The following ODF1 variants were observed in gnomAD, a reference collection of about 807,000 sequenced individuals.
ODF1 encodes the protein outer dense fiber of sperm tails 1.
A neutral mutation model predicts 24.0 loss-of-function variants in ODF1; 10 were observed. That is an observed-to-expected ratio of 0.42 (90% CI 0.26 to 0.71). ODF1 has a LOEUF of 0.71. Among genes scored for constraint, ODF1 ranks in the 30% least tolerant of loss-of-function variants. The pLI, the probability that ODF1 is intolerant of heterozygous loss-of-function variation, is 0.28. For missense variants in ODF1, 282 were observed against 307.9 expected, an observed-to-expected ratio of 0.92 and a Z score of 0.63; for synonymous variants, 118 against 121.3, an observed-to-expected ratio of 0.97 and a Z score of 0.18.
chr8:102,551,651 G>A lies in ODF1; in HGVS notation c.-77G>A. The A allele has an allele frequency of 8.0e-7, 1 of 1,243,132 alleles. No individual in the cohort carries two copies. Among genetic ancestry groups the A allele is most frequent in the Non-Finnish European group, 1.1e-6 (1 of 890,300 alleles). 77.0% of individuals were successfully genotyped at this position (1,243,132 alleles called of 1,614,324 possible). On this transcript the variant is annotated 5_prime_UTR_variant, in exon 1 of 2. The change abolishes the stop of an existing upstream ORF in the 5' untranslated region. Coordinates refer to ENST00000285402, the MANE Select transcript of ODF1 (RefSeq NM_024410.4). ...TCATTTATTTTTAAAAGCAACTTCT[G>A]AGAAGGGCTTAGAACAAATTTTTTC...
At chr8:102,558,067 G>A (rs550929772) in intron 1 of ODF1, among the ~76,000 whole-genome samples, 2 of 152,152 alleles carry the variant, frequency 1.3e-5, no homozygotes, top group Non-Finnish European at 2.9e-5. Flanking sequence ...CCTACTTCTT[G>A]TTAGTGTGGC....
chr8:102,559,590 G>A (rs1344176917), intron 1 of ODF1, among the ~76,000 whole-genome samples: 1 of 151,640 alleles, frequency 6.6e-6, no homozygotes, highest in Non-Finnish European at 1.5e-5. Flanking sequence ...ACCACTGAGA[G>A]GTTGTTCTGT....
intron 1 of ODF1, among the ~76,000 whole-genome samples, chr8:102,558,434 A>G (rs747540011): frequency 1.3e-5 from 2 of 152,182 alleles, no homozygotes; most frequent in African/African-American, 2.4e-5. Flanking sequence ...AGCCTGGGCA[A>G]CAGAGCGAGA....
At chr8:102,552,565 C>T (rs745678590) in intron 1 of ODF1, among the ~76,000 whole-genome samples, 1 of 152,078 alleles carries the variant, frequency 6.6e-6, no homozygotes, top group African/African-American at 2.4e-5. Context: ...CCACTCCAGG[C>T]AAAGACTTAC....
chr8:102,560,931 C>T lies in ODF1; in HGVS notation c.*47C>T. On this transcript the variant is annotated 3_prime_UTR_variant, in exon 2 of 2. Transcript: ENST00000285402. ...CTTAATAGAAGTCAGTTACTCCAGC[C>T]AGGCAGCTCTCCCAATGTTTCTCCT... 3.9e-6 allele frequency: 6 copies of T among 1,520,640 alleles called. No homozygotes were observed. Among genetic ancestry groups the T allele is most frequent in the Non-Finnish European group, 5.3e-6 (6 of 1,122,882 alleles). The allele number at this position is 1,520,640 out of a possible 1,614,324, so 94.2% of individuals were successfully genotyped here.
intron 1 of ODF1, among the ~76,000 whole-genome samples, chr8:102,555,950 C>A (rs535009796): frequency 2.0e-5 from 3 of 152,264 alleles, no homozygotes; most frequent in Admixed American, 2.0e-4. Context: ...CCCATCTAGG[C>A]CAAATGCATT....
At chr8:102,557,836 G>A (rs1195486438) in intron 1 of ODF1, among the ~76,000 whole-genome samples, 3 of 152,246 alleles carry the variant, frequency 2.0e-5, no homozygotes, top group African/African-American at 7.2e-5. Flanking sequence ...CCGTGGGAGA[G>A]TCTTGAAAGG....
chr8:102,556,524 T>C (rs1326084188), intron 1 of ODF1, among the ~76,000 whole-genome samples: 1 of 150,866 alleles, frequency 6.6e-6, no homozygotes, highest in East Asian at 1.9e-4. Flanking sequence ...CTCGGCTCAC[T>C]GCAACTTCTG....
At chr8:102,555,922 TG>T (rs1378128798) in intron 1 of ODF1, among the ~76,000 whole-genome samples, 1 of 152,180 alleles carries the variant, frequency 6.6e-6, no homozygotes, top group East Asian at 1.9e-4. Flanking sequence ...CCCTTGGCTG[TG>T]GGGGTAAGAG....
intron 1 of ODF1, 47 bp downstream of exon 1, chr8:102,552,094 A>G (rs1826049164): frequency 7.5e-7 from 1 of 1,337,914 alleles, no homozygotes; most frequent in Non-Finnish European, 1.0e-6. Context: ...TATTAGCCTT[A>G]TAAGTTGGAA....
intron 1 of ODF1, among the ~76,000 whole-genome samples, chr8:102,558,432 C>T (rs1826138408): frequency 6.6e-6 from 1 of 151,588 alleles, no homozygotes; most frequent in Admixed American, 6.6e-5. Flanking sequence ...CCAGCCTGGG[C>T]AACAGAGCGA....
chr8:102,551,777 A>G lies in ODF1; in HGVS notation c.50A>G (p.Lys17Arg). The G allele has an allele frequency of 5.0e-6, 8 of 1,613,712 alleles. No homozygotes were observed. The highest frequency in any genetic ancestry group is 6.8e-6 in the Non-Finnish European group (8 of 1,179,690). ...LLDSVRRDIK[K>R]VDRELRQLRC... ...GACAGTGTCAGAAGGGACATAAAGA[A>G]GGTGGACAGAGAACTAAGGCAACTG... Residue 17 changes from lysine to arginine, a missense_variant, in exon 1 of 2, where the codon AAG (lysine) becomes AGG (arginine). Transcript: ENST00000285402.
Position 102,560,440 on chromosome 8 carries a change from T to C in ODF1, c.321-12T>C. On this transcript the variant is annotated splice_polypyrimidine_tract_variant and intron_variant, in intron 1 of 1. Coordinates refer to ENST00000285402, the MANE Select transcript of ODF1 (RefSeq NM_024410.4). ...GAGCTCCCTCCCACCCTATCCCTTTTCTCAATTCCAGACTGAGAAGAACAA... is the reference window on the plus strand; with the variant it reads ...GAGCTCCCTCCCACCCTATCCCTTTCCTCAATTCCAGACTGAGAAGAACAA... The C allele has an allele frequency of 6.2e-7, 1 of 1,611,210 alleles. No homozygotes were observed. Among genetic ancestry groups the C allele is most frequent in the Non-Finnish European group, 8.5e-7 (1 of 1,177,496 alleles).
At chr8:102,553,017 TGATAGATA>T (rs111287150) in intron 1 of ODF1, among the ~76,000 whole-genome samples, 1 of 94,234 alleles carries the variant, frequency 1.1e-5, no homozygotes, top group African/African-American at 3.9e-5. Flanking sequence ...GATAGATAGA[TGATAGATA>T]GATAGAGTCT....
Position 102,560,492 on chromosome 8 carries a change from T to A in ODF1, c.361T>A (p.Cys121Ser), listed in dbSNP as rs772923566. The A allele has an allele frequency of 3.7e-6, 6 of 1,614,130 alleles. No homozygotes were observed. Among genetic ancestry groups the A allele is most frequent in the Non-Finnish European group, 5.1e-6 (6 of 1,180,048 alleles). ...AAATAGAATTCTGGCTTCCTCCTGC[T>A]GTAGCAGTAACATTTTAGGATCGGT... ...TTNRILASSC[C>S]SSNILGSVNV... Residue 121 changes from cysteine to serine, a missense_variant, in exon 2 of 2, where the codon TGT (cysteine) becomes AGT (serine). Cys to Ser is a moderately radical substitution (Grantham distance 112, BLOSUM62 -1). Transcript: ENST00000285402.
Position 102,551,716 on chromosome 8 carries a change from G to T in ODF1, c.-12G>T. On this transcript the variant is annotated 5_prime_UTR_variant, in exon 1 of 2. In the 5' UTR this introduces an upstream ATG that the reference lacks. Transcript: ENST00000285402. Reference sequence around the variant, plus strand: ...CCCAAAGGTACTCACAGAACAATCAGGTGTGACCATAATGGCTGCACTGAG... The same window carrying T: ...CCCAAAGGTACTCACAGAACAATCATGTGTGACCATAATGGCTGCACTGAG... 6.4e-7 allele frequency: 1 copy of T among 1,572,750 alleles called. No individual in the cohort carries two copies. Among genetic ancestry groups the T allele is most frequent in the Admixed American group, 1.7e-5 (1 of 58,240 alleles).
intron 1 of ODF1, among the ~76,000 whole-genome samples, chr8:102,558,252 C>T (rs1587812017): frequency 6.6e-6 from 1 of 152,098 alleles, no homozygotes; most frequent in South Asian, 2.1e-4. Flanking sequence ...GAGATCGAGA[C>T]CATCCTGGCT....
At chr8:102,552,997 TAGATAGATAGATAGATAGATGATA>T (rs1308587811) in intron 1 of ODF1, among the ~76,000 whole-genome samples, 2 of 76,890 alleles carry the variant, frequency 2.6e-5, no homozygotes, top group African/African-American at 5.1e-5. Flanking sequence ...GATAGATAGA[TAGATAGATAGATAGATAGATGATA>T]GATAGATAGA....
chr8:102,560,267 C>T (rs1425395299), intron 1 of ODF1, among the ~76,000 whole-genome samples, 185 bp from the exon 2 acceptor site: 2 of 147,500 alleles, frequency 1.4e-5, no homozygotes, highest in African/African-American at 5.4e-5. Flanking sequence ...ACTTGCGGGG[C>T]AGTGTGATTC....
Sources: gnomAD v4.1 joint callset for allele counts (sites outside exome capture counted in the v4.1 genomes callset) on GRCh38, gnomAD v4.1.1 for gene constraint, MANE v1.5 for transcripts, NCBI Gene and HGNC (gene_info 2026-07-23, HGNC 2026-07-21) for gene names.